ZNF652: variants seen among roughly 807,000 people sequenced by gnomAD.
The protein encoded by ZNF652 is zinc finger protein 652.
Under a neutral mutation model 45.2 loss-of-function variants are expected in ZNF652, and 16 were observed. The observed-to-expected ratio is 0.35, with a 90% CI of 0.24 to 0.54. The LOEUF (loss-of-function observed/expected upper bound fraction) is 0.54. Ranked by LOEUF, ZNF652 falls within the 20% of genes least tolerant of loss-of-function variation. The pLI is 0.91. For synonymous variants in ZNF652, 250 were observed against 260.6 expected, an observed-to-expected ratio of 0.96 and a Z score of 0.39; for missense variants, 614 against 765.6, an observed-to-expected ratio of 0.80 and a Z score of 2.34.
In ZNF652 at chr17:49,295,402, C is replaced by T. The variant is rs2906100; in HGVS notation, c.*3011G>A. The T allele has an allele frequency of 0.33, 44,111 of 134,404 alleles. 7,794 individuals carry two copies. The highest frequency in any genetic ancestry group is 0.5 in the South Asian group (2,014 of 4,062). 8.3% of individuals were successfully genotyped at this position (134,404 alleles called of 1,614,324 possible). On this transcript the variant is annotated 3_prime_UTR_variant, in exon 6 of 6. Transcript: ENST00000430262. ...CTAAGAATTGTACTGTATGACAATGCTAATTTTTAAAAATAATATATATAT... is the reference window on the plus strand; with the variant it reads ...CTAAGAATTGTACTGTATGACAATGTTAATTTTTAAAAATAATATATATAT...
intron 1 of ZNF652, among the ~76,000 whole-genome samples, chr17:49,321,782 C>T (rs905170063): frequency 4.6e-5 from 7 of 152,134 alleles, no homozygotes; most frequent in African/African-American, 1.7e-4. Context: ...ATGCAGTGAT[C>T]AAATGATCAG....
In ZNF652 at chr17:49,344,188, G is replaced by C. The variant is rs573483503; in HGVS notation, c.-259+17721C>G. ...TGCACTCCAGCCTGGGGGACAGAGCGAGACTCCGTTTCAAAAAAAAAAAAT... is the reference window on the plus strand; with the variant it reads ...TGCACTCCAGCCTGGGGGACAGAGCCAGACTCCGTTTCAAAAAAAAAAAAT... On this transcript the variant is annotated intron_variant, in intron 1 of 5. Coordinates refer to ENST00000430262, the MANE Select transcript of ZNF652 (RefSeq NM_001145365.3). 2.9e-4 allele frequency among the ~76,000 whole-genome samples: 41 copies of C among 141,424 alleles called. 1 individual carries two copies. The highest frequency in any genetic ancestry group is 7.9e-5 in the Non-Finnish European group (5 of 63,678). The allele number at this position is 141,424 out of a possible 152,430, so 92.8% of individuals were successfully genotyped here. A position where few individuals can be genotyped will look rare whatever the true frequency, so the allele number is the denominator to read the frequency against.
chr17:49,336,764 T>A (rs926901934), intron 1 of ZNF652, among the ~76,000 whole-genome samples: 1 of 151,742 alleles, frequency 6.6e-6, no homozygotes, highest in African/African-American at 2.4e-5. Context: ...GTTGCCGGGA[T>A]TACAGGCGCA....
intron 1 of ZNF652, among the ~76,000 whole-genome samples, chr17:49,321,291 TCTCA>T (rs934408047): frequency 2.0e-5 from 3 of 151,960 alleles, no homozygotes; most frequent in African/African-American, 7.3e-5. Flanking sequence ...TGAGACAGAA[TCTCA>T]CTCTGTCACC....
At chr17:49,337,140 C>T (rs925412836) in intron 1 of ZNF652, among the ~76,000 whole-genome samples, 9 of 151,352 alleles carry the variant, frequency 5.9e-5, no homozygotes, top group African/African-American at 2.2e-4. Context: ...TTGAGATCAG[C>T]CTGGGCAACA....
chr17:49,350,995 A>G (rs1370567838), intron 1 of ZNF652, among the ~76,000 whole-genome samples: 34 of 20,678 alleles, frequency 1.6e-3, no homozygotes, highest in African/African-American at 5.5e-3. Flanking sequence ...ATATATATAT[A>G]TATATATATA....
chr17:49,336,915 C>A (rs1376757962), intron 1 of ZNF652, among the ~76,000 whole-genome samples: 3 of 149,852 alleles, frequency 2.0e-5, no homozygotes, highest in Non-Finnish European at 4.4e-5. Context: ...CGACCACACC[C>A]GGCCCCGGCC....
Position 49,311,880 on chromosome 17 carries a change from C to A in ZNF652, c.1164+47G>T. The A allele has an allele frequency of 1.3e-6, 2 of 1,504,308 alleles. 1 individual carries two copies. Among genetic ancestry groups the A allele is most frequent in the African/African-American group, 2.8e-5 (2 of 72,548 alleles). The allele number at this position is 1,504,308 out of a possible 1,614,324, so 93.2% of individuals were successfully genotyped here. A position where few individuals can be genotyped will look rare whatever the true frequency, so the allele number is the denominator to read the frequency against. Reference sequence around the variant, plus strand: ...CTCTCTCACTGGTCCGCCATCTATGCAAACACTAGCCCCTAGGCCTGGGCC... The same window carrying A: ...CTCTCTCACTGGTCCGCCATCTATGAAAACACTAGCCCCTAGGCCTGGGCC... On this transcript the variant is annotated intron_variant, in intron 4 of 5. Transcript: ENST00000430262.
chr17:49,342,427 G>T (rs1288142649), intron 1 of ZNF652, among the ~76,000 whole-genome samples: 2 of 151,916 alleles, frequency 1.3e-5, no homozygotes, highest in Non-Finnish European at 2.9e-5. Context: ...AACAGCTTTT[G>T]ACACAAACCA....
At chr17:49,329,114 T>A (rs2069996684) in intron 1 of ZNF652, among the ~76,000 whole-genome samples, 1 of 152,230 alleles carries the variant, frequency 6.6e-6, no homozygotes, top group African/African-American at 2.4e-5. Flanking sequence ...ATGTCCAGAA[T>A]GTTAGGTTAA....
intron 1 of ZNF652, among the ~76,000 whole-genome samples, chr17:49,334,537 G>A (rs750439652): frequency 3.3e-5 from 5 of 152,192 alleles, no homozygotes; most frequent in African/African-American, 1.2e-4. Flanking sequence ...CCAGAACTAC[G>A]GGAGGCTAAG....
downstream of ZNF652, among the ~76,000 whole-genome samples, chr17:49,289,035 G>A (rs1207512342): frequency 2.6e-5 from 4 of 152,234 alleles, 1 homozygote; most frequent in Admixed American, 2.6e-4. Flanking sequence ...AAGAGATCAG[G>A]CAGGGTTTGA....
chr17:49,350,996 TATATATATATATATATATACAC>T (rs1204601671), intron 1 of ZNF652, among the ~76,000 whole-genome samples: 103 of 22,006 alleles, frequency 4.7e-3, no homozygotes, highest in African/African-American at 0.017. Context: ...TATATATATA[TATATATATATATATATATACAC>T]ACACACACAC....
chr17:49,316,858 G>A lies in ZNF652; in HGVS notation c.868C>T (p.His290Tyr). ...TTTTTTTCACAGTCTGTTTGCTGGT[G>A]AAGGGACAGCTCACTTTCCAGGACA... is the stretch of plus-strand genomic sequence containing the variant. ...KFVLESELSL[H>Y]QQTDCEKNIQ... The change falls in exon 2 of 6, where the codon CAC (histidine) becomes TAC (tyrosine). Residue 290 changes from histidine (H) to tyrosine (Y), a missense_variant. Transcript: ENST00000430262. 6.2e-7 allele frequency: 1 copy of A among 1,613,916 alleles called. No homozygotes were observed. The highest frequency in any genetic ancestry group is 8.5e-7 in the Non-Finnish European group (1 of 1,179,938).
chr17:49,342,769 G>A (rs937307368), intron 1 of ZNF652, among the ~76,000 whole-genome samples: 1 of 152,068 alleles, frequency 6.6e-6, no homozygotes. Context: ...ACCCCCCTCA[G>A]TATCACATAA....
chr17:49,337,270 A>C (rs568224331), intron 1 of ZNF652, among the ~76,000 whole-genome samples: 1 of 151,152 alleles, frequency 6.6e-6, no homozygotes, highest in South Asian at 2.1e-4. Flanking sequence ...CGAGAGTTCC[A>C]GGCTATAGTA....
chr17:49,361,200 A>C (rs761541421), intron 1 of ZNF652: 8 of 152,410 alleles, frequency 5.2e-5, no homozygotes, highest in Middle Eastern at 3.4e-3. Flanking sequence ...GAAGGTCTCG[A>C]ATCCTGAAGA....
At chr17:49,352,947 G>T (rs367722969) in intron 1 of ZNF652, among the ~76,000 whole-genome samples, 1 of 152,144 alleles carries the variant, frequency 6.6e-6, no homozygotes, top group Non-Finnish European at 1.5e-5. Flanking sequence ...ACAACAGATC[G>T]ATAGTTGCCC....
intron 1 of ZNF652, among the ~76,000 whole-genome samples, chr17:49,360,302 T>C (rs1337551414): frequency 6.6e-6 from 1 of 152,212 alleles, no homozygotes; most frequent in Non-Finnish European, 1.5e-5. Flanking sequence ...CAAGTTCCTT[T>C]CACTTTTGCA....
Sources: gnomAD v4.1 joint callset for allele counts (sites outside exome capture counted in the v4.1 genomes callset) on GRCh38, gnomAD v4.1.1 for gene constraint, MANE v1.5 for transcripts, NCBI Gene and HGNC (gene_info 2026-07-23, HGNC 2026-07-21) for gene names.